LRRIQ1: variants seen among roughly 807,000 people sequenced by gnomAD.
LRRIQ1 encodes the protein leucine-rich repeat- and IQ domain-containing protein 1.
LRRIQ1 carries 210 observed loss-of-function variants against 211.9 expected under a neutral mutation model. The ratio of observed to expected loss-of-function variants is 0.99; its 90% CI spans 0.89 to 1.11. The LOEUF is 1.11. LRRIQ1 is among the 50% of genes most tolerant of loss of function. The probability of loss-of-function intolerance (pLI) is 0.00; values close to 1 mark genes in which losing one functional copy is unlikely to be tolerated. For synonymous variants in LRRIQ1, 699 were observed against 650.1 expected, an observed-to-expected ratio of 1.08 and a Z score of -1.14; for missense variants, 2,136 against 1,939.5, an observed-to-expected ratio of 1.10 and a Z score of -1.90.
At chr12:85,232,834 A>G (rs1426460298) in intron 26 of LRRIQ1, 78 bp downstream of exon 26, 4 of 942,504 alleles carry the variant, frequency 4.2e-6, no homozygotes, top group Non-Finnish European at 6.8e-6. Flanking sequence ...AGATATGTTT[A>G]TAATTAAACT....
intron 17 of LRRIQ1, chr12:85,124,823 A>C (rs1289591435): frequency 4.0e-6 from 1 of 252,902 alleles, no homozygotes; most frequent in African/African-American, 2.3e-5. Flanking sequence ...GAAATAAAAT[A>C]TCACAGTCTA....
In LRRIQ1 at chr12:85,065,410, C is replaced by T. The variant is rs1487507072; in HGVS notation, c.2540C>T (p.Ala847Val). 3 of 1,605,028 alleles carry T rather than the reference C, an allele frequency of 1.9e-6. No individual in the cohort carries two copies. Among genetic ancestry groups the T allele is most frequent in the Non-Finnish European group, 2.6e-6 (3 of 1,174,532 alleles). ...SNCKKLKYID[A>V]QENHIEAIEC... Reference sequence around the variant, plus strand: ...TGTAAAAAACTTAAGTACATTGATGCACAGGTATGCTCTCTGCCCTACTGT... The same window carrying T: ...TGTAAAAAACTTAAGTACATTGATGTACAGGTATGCTCTCTGCCCTACTGT... Residue 847 changes from alanine to valine, a missense_variant, in exon 9 of 27, where the codon GCA becomes GTA. Ala to Val is a moderately conservative substitution (Grantham distance 64). Transcript: ENST00000393217.
At chr12:85,084,014 G>T (rs1484658432) in intron 11 of LRRIQ1, among the ~76,000 whole-genome samples, 26 of 152,170 alleles carry the variant, frequency 1.7e-4, no homozygotes, top group Admixed American at 1.7e-3. Context: ...TCTCCCAGAT[G>T]ACATGACACA....
At chr12:85,193,053 AATATAAATATT>A (rs1892679434) in intron 24 of LRRIQ1, among the ~76,000 whole-genome samples, 1 of 111,690 alleles carries the variant, frequency 9.0e-6, no homozygotes, top group African/African-American at 3.5e-5. Flanking sequence ...TAATAAATAT[AATATAAATATT>A]ATATTATATT....
intron 25 of LRRIQ1, among the ~76,000 whole-genome samples, chr12:85,230,856 T>G (rs1236477397): frequency 6.6e-6 from 1 of 151,316 alleles, no homozygotes; most frequent in Non-Finnish European, 1.5e-5. Flanking sequence ...GAAACCATCC[T>G]GGCTAACACA....
chr12:85,036,734 GTCTC>G (rs918834086), intron 1 of LRRIQ1, among the ~76,000 whole-genome samples: 10 of 148,246 alleles, frequency 6.7e-5, no homozygotes, highest in South Asian at 2.2e-4. Flanking sequence ...TTCTTTTTCT[GTCTC>G]TCTTTCTTTC....
intron 24 of LRRIQ1, among the ~76,000 whole-genome samples, chr12:85,184,231 T>C (rs1008933725): frequency 1.3e-5 from 2 of 152,026 alleles, no homozygotes; most frequent in Non-Finnish European, 2.9e-5. Context: ...TTAACTTGTA[T>C]TTATCCATCA....
chr12:85,239,533 A>G (rs1209706674), intron 26 of LRRIQ1, among the ~76,000 whole-genome samples: 1 of 151,686 alleles, frequency 6.6e-6, no homozygotes, highest in East Asian at 1.9e-4. Context: ...TATCAAAACA[A>G]TTCAAGGGGG....
Position 85,252,814 on chromosome 12 carries a change from TTA to T in LRRIQ1, c.121+7911_121+7912del, listed in dbSNP as rs988807509. On this transcript the variant is annotated intron_variant, in intron 1 of 1. Coordinates refer to the LRRIQ1 transcript ENST00000602731. Reference sequence around the variant, plus strand: ...ACCCTTAAAAATTGTACCTTTGAAGTTATATATGGCCATTTGATTCAACAAAC... The same window carrying T: ...ACCCTTAAAAATTGTACCTTTGAAGTTATATGGCCATTTGATTCAACAAAC... Among the ~76,000 whole-genome samples, 84 of 152,062 alleles carry T rather than the reference TTA, an allele frequency of 5.5e-4. 1 individual carries two copies. Among genetic ancestry groups the T allele is most frequent in the African/African-American group, 1.9e-3 (78 of 41,532 alleles).
chr12:85,072,947 A>G lies in LRRIQ1; in HGVS notation c.2736A>G (p.Ala912=), dbSNP rs753581644. 1.9e-6 allele frequency: 3 copies of G among 1,611,760 alleles called. No individual in the cohort carries two copies. Among genetic ancestry groups the G allele is most frequent in the Admixed American group, 1.7e-5 (1 of 59,614 alleles). The stretch of plus-strand genomic sequence containing the variant: ...TGGAAGAAAAACTTGTTGACAATGC[A>G]GGGTTCTGCCATCACTTGGGCACCT... ...FFLEEKLVDN[A]GFCHHLGTST... is the part of the protein sequence containing the mutation. The change falls in exon 11 of 27, where the codon GCA becomes GCG. Residue 912 remains alanine, a synonymous_variant. Coordinates refer to ENST00000393217, the MANE Select transcript of LRRIQ1 (RefSeq NM_001079910.2).
rs777909219 is a variant in LRRIQ1, at chr12:85,229,587, A to G, written c.4893A>G (p.Thr1631=). The G allele has an allele frequency of 2.9e-5, 46 of 1,613,118 alleles. No individual in the cohort carries two copies. The highest frequency in any genetic ancestry group is 3.8e-5 in the Non-Finnish European group (45 of 1,179,460). The change falls in exon 25 of 27, where the codon ACA becomes ACG. Residue 1631 remains threonine (T), a synonymous_variant. Coordinates refer to ENST00000393217, the MANE Select transcript of LRRIQ1 (RefSeq NM_001079910.2). The part of the protein sequence containing the change: ...NEKLERNREY[T]YQWLHTQVGV... ...AATTAGAACGGAATAGAGAATATACATACCAATGGCTTCACACACAGGTTG... is the reference window on the plus strand; with the variant it reads ...AATTAGAACGGAATAGAGAATATACGTACCAATGGCTTCACACACAGGTTG...
chr12:85,184,715 T>G (rs1892148359), intron 24 of LRRIQ1, among the ~76,000 whole-genome samples: 1 of 152,000 alleles, frequency 6.6e-6, no homozygotes. Context: ...TGATAATTTT[T>G]TTTTGCTTTT....
rs1362806118 is a variant in LRRIQ1, at chr12:85,056,621, A to G, written c.1828A>G (p.Lys610Glu). 1.3e-6 allele frequency: 2 copies of G among 1,595,126 alleles called. No homozygotes were observed. The highest frequency in any genetic ancestry group is 1.8e-5 in the Admixed American group (1 of 56,530). Residue 610 changes from lysine to glutamate, a missense_variant, in exon 8 of 27, where the codon AAA becomes GAA. By Grantham distance (56) the Lys-to-Glu change is moderately conservative. Transcript: ENST00000393217. ...TAAGGATACTTTAGTTATTTCAGTGAAACAAAGATCACTCTCACTAACATC... is the reference window on the plus strand; with the variant it reads ...TAAGGATACTTTAGTTATTTCAGTGGAACAAAGATCACTCTCACTAACATC... Reference protein sequence around the residue: ...KDKDTLVISVKQRSLSLTSEN... With the variant: ...KDKDTLVISVEQRSLSLTSEN...
chr12:85,091,915 G>T (rs1174838473), intron 11 of LRRIQ1, among the ~76,000 whole-genome samples: 1 of 152,170 alleles, frequency 6.6e-6, no homozygotes, highest in Non-Finnish European at 1.5e-5. Context: ...CACAGCAGAA[G>T]ATGAGTGGTA....
intron 26 of LRRIQ1, among the ~76,000 whole-genome samples, chr12:85,235,342 A>G (rs189848766): frequency 6.6e-6 from 1 of 152,164 alleles, no homozygotes; most frequent in Non-Finnish European, 1.5e-5. Flanking sequence ...ACATACTCTG[A>G]TAGTTTTATG....
chr12:85,045,861 G>A (rs1346850906), intron 4 of LRRIQ1, among the ~76,000 whole-genome samples, 159 bp from the exon 5 acceptor site: 1 of 151,918 alleles, frequency 6.6e-6, no homozygotes, highest in Admixed American at 6.6e-5. Context: ...ATTGTAAAGA[G>A]AATAATTATC....
At chr12:85,133,594 G>T (rs1888921080) in intron 18 of LRRIQ1, among the ~76,000 whole-genome samples, 1 of 152,158 alleles carries the variant, frequency 6.6e-6, no homozygotes, top group South Asian at 2.1e-4. Context: ...CTTCCAGGAA[G>T]ATAAAGTGGC....
chr12:85,260,310 GTATC>G (rs1333943456), intron 1 of LRRIQ1, among the ~76,000 whole-genome samples: 1 of 151,582 alleles, frequency 6.6e-6, no homozygotes, highest in African/African-American at 2.4e-5. Context: ...ATGAAACACT[GTATC>G]AAAAAATAAA....
chr12:85,105,705 T>C (rs924297765), intron 14 of LRRIQ1, among the ~76,000 whole-genome samples: 1 of 152,018 alleles, frequency 6.6e-6, no homozygotes, highest in Non-Finnish European at 1.5e-5. Flanking sequence ...GGAAGTCAAA[T>C]TAATTATGAA....
Sources: gnomAD v4.1 joint callset for allele counts (sites outside exome capture counted in the v4.1 genomes callset) on GRCh38, gnomAD v4.1.1 for gene constraint, MANE v1.5 for transcripts, NCBI Gene and HGNC (gene_info 2026-07-23, HGNC 2026-07-21) for gene names.